PELI2: variants seen among roughly 807,000 people sequenced by gnomAD.
PELI2 encodes the protein E3 ubiquitin-protein ligase pellino homolog 2.
Under a neutral mutation model 42.3 loss-of-function variants are expected in PELI2, and 23 were observed. The ratio of observed to expected loss-of-function variants is 0.54; its 90% confidence interval spans 0.39 to 0.77. PELI2 has a LOEUF of 0.77. Ranked by LOEUF, PELI2 falls within the 30% of genes least tolerant of loss-of-function variation. PELI2 has a pLI of 0.00. For missense variants in PELI2, 463 were observed against 553.2 expected (o/e 0.84, Z 1.64); for synonymous variants, 245 against 212.2 (o/e 1.15, Z -1.34).
At chr14:56,182,973 G>A (rs1594617647) in intron 2 of PELI2, among the ~76,000 whole-genome samples, 1 of 152,082 alleles carries the variant, frequency 6.6e-6, no homozygotes, top group Non-Finnish European at 1.5e-5. Flanking sequence ...CGGTGCTTCG[G>A]GAGAGTCATC....
At chr14:56,120,534 C>T (rs1421640444) in intron 1 of PELI2, among the ~76,000 whole-genome samples, 4 of 152,110 alleles carry the variant, frequency 2.6e-5, no homozygotes, top group Admixed American at 2.6e-4. Context: ...TATGGTCTGC[C>T]CTTTGCTAAT....
At chr14:56,247,211 A>G (rs903922596) in intron 2 of PELI2, among the ~76,000 whole-genome samples, 1 of 152,222 alleles carries the variant, frequency 6.6e-6, no homozygotes, top group Non-Finnish European at 1.5e-5. Flanking sequence ...CAAAACCAAA[A>G]CAGGAATGGG....
chr14:56,178,185 C>A, intron 1 of PELI2, 150 bp from the exon 2 acceptor site: 1 of 673,318 alleles, frequency 1.5e-6, no homozygotes, highest in Non-Finnish European at 2.5e-6. Context: ...CAGCTGAAGT[C>A]TGTATTGCAA....
chr14:56,213,228 G>A (rs922839421), intron 2 of PELI2, among the ~76,000 whole-genome samples: 2 of 152,242 alleles, frequency 1.3e-5, no homozygotes, highest in Non-Finnish European at 2.9e-5. Context: ...GAAACTGTCA[G>A]GGTAATGATA....
chr14:56,179,737 C>T (rs1042570970), intron 2 of PELI2, among the ~76,000 whole-genome samples: 3 of 152,172 alleles, frequency 2.0e-5, no homozygotes. Flanking sequence ...ACATTTTATA[C>T]TCCAAAAATA....
intron 2 of PELI2, among the ~76,000 whole-genome samples, chr14:56,240,062 A>G (rs1887920263): frequency 6.6e-6 from 1 of 152,162 alleles, no homozygotes; most frequent in Non-Finnish European, 1.5e-5. Context: ...TCCCTTATTC[A>G]TTAAGATATT....
chr14:56,138,173 A>G (rs1229904462), intron 1 of PELI2, among the ~76,000 whole-genome samples: 3 of 152,256 alleles, frequency 2.0e-5, no homozygotes, highest in African/African-American at 7.2e-5. Context: ...AGGGCTCAGA[A>G]AATGGCTTTC....
At chr14:56,257,088 A>G (rs1888552471) in intron 2 of PELI2, among the ~76,000 whole-genome samples, 1 of 152,232 alleles carries the variant, frequency 6.6e-6, no homozygotes, top group African/African-American at 2.4e-5. Context: ...TATAGTGGGC[A>G]TCAAGGGCAA....
chr14:56,265,191 A>C (rs1888851416), intron 2 of PELI2, among the ~76,000 whole-genome samples: 1 of 152,158 alleles, frequency 6.6e-6, no homozygotes, highest in South Asian at 2.1e-4. Context: ...AACTGCTTTG[A>C]AACATAAGAA....
rs892821830 is a variant in PELI2, at chr14:56,219,666, G to A, written c.207+41202G>A. On this transcript the variant is annotated intron_variant, in intron 2 of 5. Transcript: ENST00000267460. The surrounding 1 kb of genome is among the most constrained non-coding windows in gnomAD (Gnocchi z 4.1). ...GTTTATGGATGATTCTTAACTGGCT[G>A]ATTATCCCATTTCTATTTCAGTAGC... is the stretch of plus-strand genomic sequence containing the variant. 6.6e-6 allele frequency among the ~76,000 whole-genome samples: 1 copy of A among 152,190 alleles called. No homozygotes were observed. The highest frequency in any genetic ancestry group is 2.4e-5 in the African/African-American group (1 of 41,436).
intron 2 of PELI2, among the ~76,000 whole-genome samples, chr14:56,239,452 G>A (rs1887901949): frequency 6.6e-6 from 1 of 152,194 alleles, no homozygotes; most frequent in African/African-American, 2.4e-5. Context: ...ATTTTTTAGA[G>A]TAAGTAGGTA....
At chr14:56,189,486 G>T (rs1293828823) in intron 2 of PELI2, among the ~76,000 whole-genome samples, 4 of 152,198 alleles carry the variant, frequency 2.6e-5, no homozygotes, top group Non-Finnish European at 5.9e-5. Flanking sequence ...GATTTCACAG[G>T]TTGGGAATGT....
chr14:56,210,569 G>T (rs1437461486), intron 2 of PELI2, among the ~76,000 whole-genome samples: 2 of 152,178 alleles, frequency 1.3e-5, no homozygotes, highest in Admixed American at 6.5e-5. Flanking sequence ...ACAGGAGTTT[G>T]TGATCCCATT....
At chr14:56,188,189 A>G (rs913333175) in intron 2 of PELI2, among the ~76,000 whole-genome samples, 3 of 152,198 alleles carry the variant, frequency 2.0e-5, no homozygotes, top group African/African-American at 7.2e-5. Flanking sequence ...CCTGGACGGC[A>G]GGCTCCTTGA....
chr14:56,182,585 C>T (rs1268199977), intron 2 of PELI2, among the ~76,000 whole-genome samples: 1 of 151,986 alleles, frequency 6.6e-6, no homozygotes, highest in Non-Finnish European at 1.5e-5. Flanking sequence ...TAAAAAGTAA[C>T]TGAAAATCAC....
At chr14:56,165,370 C>T (rs766985275) in intron 1 of PELI2, among the ~76,000 whole-genome samples, 19 of 152,004 alleles carry the variant, frequency 1.2e-4, no homozygotes, top group South Asian at 6.2e-4. Flanking sequence ...ACTTTTATTC[C>T]ATTGTGATCA....
chr14:56,254,371 C>A (rs1888452073), intron 2 of PELI2, among the ~76,000 whole-genome samples: 1 of 142,304 alleles, frequency 7.0e-6, no homozygotes, highest in Admixed American at 7.3e-5. Context: ...GCACTCCAGC[C>A]TGGTGACAGA....
intron 5 of PELI2, among the ~76,000 whole-genome samples, chr14:56,294,687 C>T (rs1376960470): frequency 1.3e-5 from 2 of 152,174 alleles, no homozygotes; most frequent in Admixed American, 6.5e-5. Context: ...CACCTAGGTG[C>T]GGATAACATC....
intron 1 of PELI2, among the ~76,000 whole-genome samples, chr14:56,153,552 A>G (rs1360122211): frequency 6.6e-6 from 1 of 152,216 alleles, no homozygotes; most frequent in Non-Finnish European, 1.5e-5. Flanking sequence ...CTTAGGCCCT[A>G]GAAACCAATT....
Sources: allele counts gnomAD v4.1 joint callset (sites outside exome capture counted in the v4.1 genomes callset), GRCh38; gene constraint gnomAD v4.1.1; non-coding constraint Gnocchi (gnomAD v3.1); transcripts MANE v1.5; gene names NCBI Gene and HGNC (gene_info 2026-07-23, HGNC 2026-07-21).